The following HOMER2 variants were observed in gnomAD, a reference collection of about 807,000 sequenced individuals.
HOMER2 encodes the protein homer scaffold protein 2, also known as homer protein homolog 2.
A neutral mutation model predicts 47.0 loss-of-function variants in HOMER2; 27 were observed. The observed-to-expected ratio is 0.57, with a 90% confidence interval of 0.42 to 0.79. HOMER2 has a LOEUF of 0.79. HOMER2 is among the 30% of genes least tolerant of loss of function. The probability of loss-of-function intolerance (pLI) is 0.00; values close to 1 mark genes in which losing one functional copy is unlikely to be tolerated. For synonymous variants in HOMER2, 161 were observed against 163.8 expected, an observed-to-expected ratio of 0.98 and a Z score of 0.13; for missense variants, 443 against 435.0, an observed-to-expected ratio of 1.02 and a Z score of -0.16.
chr15:82,863,827 G>C (rs188028576), intron 4 of HOMER2, among the ~76,000 whole-genome samples: 3 of 152,078 alleles, frequency 2.0e-5, no homozygotes, highest in Admixed American at 6.5e-5. Context: ...CTCTCTTGTG[G>C]GCACAAGGTA....
intron 1 of HOMER2, among the ~76,000 whole-genome samples, chr15:82,908,977 T>C (rs2053373202): frequency 6.6e-6 from 1 of 151,846 alleles, no homozygotes; most frequent in South Asian, 2.1e-4. Flanking sequence ...GAAATCACAG[T>C]GGATGAAACC....
chr15:82,868,847 AGC>A (rs1378260250), intron 3 of HOMER2, among the ~76,000 whole-genome samples: 1 of 116,138 alleles, frequency 8.6e-6, no homozygotes, highest in Admixed American at 8.7e-5. Flanking sequence ...CACTGCGCTC[AGC>A]TATATATATA....
chr15:82,849,668 G>C lies in HOMER2; in HGVS notation c.*47C>G, dbSNP rs765081496. The C allele has an allele frequency of 1.9e-6, 3 of 1,543,540 alleles. No homozygotes were observed. The African/African-American group carries it at 4.1e-5, about 21-fold the overall frequency. On this transcript the variant is annotated 3_prime_UTR_variant, in exon 9 of 9. Transcript: ENST00000450735. ...GAACGTCCTAGAGCTATCTGGTCTC[G>C]CACACACGCTTGGGACTCACGGGCG...
chr15:82,941,583 T>C (rs1322851192), intron 1 of HOMER2, among the ~76,000 whole-genome samples: 1 of 151,268 alleles, frequency 6.6e-6, no homozygotes, highest in Non-Finnish European at 1.5e-5. Flanking sequence ...CACCTCTTCC[T>C]CTCCAAGCCC....
At chr15:82,940,002 G>A (rs2054227206) in intron 1 of HOMER2, among the ~76,000 whole-genome samples, 1 of 152,158 alleles carries the variant, frequency 6.6e-6, no homozygotes, top group African/African-American at 2.4e-5. Flanking sequence ...TCACTCATAA[G>A]TGGGAATTGA....
At chr15:82,974,619 G>C (rs1014875090) in intron 1 of HOMER2, among the ~76,000 whole-genome samples, 3 of 152,126 alleles carry the variant, frequency 2.0e-5, no homozygotes, top group African/African-American at 7.2e-5. Flanking sequence ...TATTGCACAG[G>C]GGCTCCCTGG....
intron 3 of HOMER2, 50 bp from the exon 4 acceptor site, chr15:82,864,309 T>C (rs1488441950): frequency 1.5e-6 from 2 of 1,295,110 alleles, no homozygotes; most frequent in Non-Finnish European, 2.2e-6. Flanking sequence ...CACTCATGGC[T>C]GGTATTCAGA....
intron 1 of HOMER2, among the ~76,000 whole-genome samples, chr15:82,900,013 G>A (rs1264221628): frequency 6.6e-6 from 1 of 152,044 alleles, no homozygotes; most frequent in Admixed American, 6.6e-5. Context: ...CACAGTAGGT[G>A]AGACTCCATC....
chr15:82,946,538 C>G (rs145244766), intron 1 of HOMER2, among the ~76,000 whole-genome samples: 2 of 152,304 alleles, frequency 1.3e-5, no homozygotes, highest in East Asian at 3.9e-4. Context: ...TTCCCTCAGA[C>G]ACCTCCATGG....
chr15:82,868,586 T>C (rs1214882936), intron 3 of HOMER2, among the ~76,000 whole-genome samples: 1 of 138,736 alleles, frequency 7.2e-6, no homozygotes. Context: ...TCTTACTGTA[T>C]CTCCCAGGCT....
downstream of HOMER2, among the ~76,000 whole-genome samples, chr15:82,836,633 G>C (rs1948489155): frequency 6.6e-6 from 1 of 152,198 alleles, no homozygotes; most frequent in Non-Finnish European, 1.5e-5. Context: ...TGGTACAAAG[G>C]AGGACTGGCA....
At chr15:82,897,067 T>TTTTTC (rs1440314229) in intron 1 of HOMER2, among the ~76,000 whole-genome samples, 13 of 126,932 alleles carry the variant, frequency 1.0e-4, no homozygotes, top group Non-Finnish European at 7.8e-5. Flanking sequence ...TGTCATTTCT[T>TTTTTC]TTTTTTTTTT....
chr15:82,923,509 G>T (rs908166604), intron 1 of HOMER2, among the ~76,000 whole-genome samples: 13 of 150,172 alleles, frequency 8.7e-5, no homozygotes, highest in Non-Finnish European at 1.5e-4. Context: ...AAAAAAAGGT[G>T]CTTGATGTTG....
At chr15:82,932,851 C>T (rs2054047506) in intron 1 of HOMER2, among the ~76,000 whole-genome samples, 1 of 152,168 alleles carries the variant, frequency 6.6e-6, no homozygotes, top group African/African-American at 2.4e-5. Flanking sequence ...GCCCTGTGCA[C>T]ACCCCAACTG....
At position 82,849,753 on chromosome 15, in the gene HOMER2, A is replaced by G. The variant is rs2051328046; in HGVS notation, c.994T>C (p.Phe332Leu). The part of the protein sequence containing the change: ...LDGKIDDLHD[F>L]RRGLSKLGTD... Reference sequence around the variant, plus strand: ...CCCAGCTTGGAGAGCCCTCGGCGGAAGTCATGCAGGTCGTCAATCTTCCCG... The same window carrying G: ...CCCAGCTTGGAGAGCCCTCGGCGGAGGTCATGCAGGTCGTCAATCTTCCCG... Residue 332 changes from phenylalanine to leucine, a missense_variant, in exon 9 of 9, where the codon TTC becomes CTC. By Grantham distance (22) the Phe-to-Leu change is conservative (BLOSUM62 0). Transcript: ENST00000450735. The G allele has an allele frequency of 1.2e-6, 2 of 1,613,814 alleles. No homozygotes were observed. Among genetic ancestry groups the G allele is most frequent in the African/African-American group, 1.3e-5 (1 of 74,924 alleles).
chr15:82,909,693 C>T (rs942988942), intron 1 of HOMER2, among the ~76,000 whole-genome samples: 12 of 152,152 alleles, frequency 7.9e-5, no homozygotes, highest in African/African-American at 2.4e-4. Flanking sequence ...GAGAGCTGAA[C>T]ATACTGACAT....
Position 82,854,657 on chromosome 15 carries a change from CG to C in HOMER2, c.637del (p.Arg213GlyfsTer26). 1 of 1,612,446 alleles carries C rather than the reference CG, an allele frequency of 6.2e-7. No individual in the cohort carries two copies. The highest frequency in any genetic ancestry group is 8.5e-7 in the Non-Finnish European group (1 of 1,179,562). On this transcript the variant is annotated frameshift_variant, in exon 6 of 9. Coordinates refer to ENST00000450735, the MANE Select transcript of HOMER2 (RefSeq NM_004839.4). LOFTEE classifies it high-confidence loss of function. Reference sequence around the variant, plus strand: ...CACCGTACCCACCTTGTTGCGGAGCCGGTCATTCTCATCACGGCAGATGGAG... The same window carrying C: ...CACCGTACCCACCTTGTTGCGGAGCCGTCATTCTCATCACGGCAGATGGAG... ...QFSICRDEND[R>X]LRNKIDELEE...
intron 1 of HOMER2, among the ~76,000 whole-genome samples, chr15:82,901,340 C>A (rs1382830157): frequency 9.9e-5 from 15 of 152,020 alleles, no homozygotes. Flanking sequence ...TCTGAGGACG[C>A]AGGATAGGTA....
intron 1 of HOMER2, among the ~76,000 whole-genome samples, chr15:82,895,173 G>A (rs2151106664): frequency 6.6e-6 from 1 of 152,332 alleles, no homozygotes; most frequent in South Asian, 2.1e-4. Context: ...CTTGCTCCCT[G>A]AAACTTCCCT....
Sources: gnomAD v4.1 joint callset for allele counts (sites outside exome capture counted in the v4.1 genomes callset) on GRCh38, gnomAD v4.1.1 for gene constraint, MANE v1.5 for transcripts, NCBI Gene and HGNC (gene_info 2026-07-23, HGNC 2026-07-21) for gene names.